The following UBAP2 variants were observed in gnomAD, a reference collection of about 807,000 sequenced individuals.
The protein encoded by UBAP2 is ubiquitin-associated protein 2.
In UBAP2, 75 loss-of-function variants were observed where a neutral mutation model predicts 139.6. The observed-to-expected ratio is 0.54, with a 90% CI of 0.45 to 0.65. UBAP2 has a LOEUF of 0.65. Among genes scored for constraint, UBAP2 ranks in the 30% least tolerant of loss-of-function variants. The pLI is 0.00. For synonymous variants in UBAP2, 526 were observed against 526.2 expected, an observed-to-expected ratio of 1.00 and a Z score of 0.01; for missense variants, 1,368 against 1,369.6, an observed-to-expected ratio of 1.00 and a Z score of 0.02.
At position 33,998,882 on chromosome 9, in the gene UBAP2, T is replaced by C; in HGVS notation, c.100-18A>G. ...GCTGTTGCCTGGAAAGTACATACAATTGTTAAGGATTTGAACACCAAAAGC... is the reference window on the plus strand; with the variant it reads ...GCTGTTGCCTGGAAAGTACATACAACTGTTAAGGATTTGAACACCAAAAGC... On this transcript the variant is annotated intron_variant, in intron 2 of 28. Transcript: ENST00000379238. The C allele has an allele frequency of 1.2e-6, 2 of 1,603,118 alleles. No individual in the cohort carries two copies. The highest frequency in any genetic ancestry group is 2.2e-5 in the East Asian group (1 of 44,826).
At chr9:33,948,190 C>A (rs967945215) in intron 13 of UBAP2, among the ~76,000 whole-genome samples, 184 bp downstream of exon 13, 1 of 152,036 alleles carries the variant, frequency 6.6e-6, no homozygotes, top group African/African-American at 2.4e-5. Context: ...AGAACAACAA[C>A]AAAAACAAAT....
chr9:33,936,900 C>A (rs915296670), intron 16 of UBAP2, among the ~76,000 whole-genome samples: 1 of 134,476 alleles, frequency 7.4e-6, no homozygotes, highest in Admixed American at 9.1e-5. Context: ...CATGACCACC[C>A]TGGGCACTGT....
intron 1 of UBAP2, among the ~76,000 whole-genome samples, chr9:34,039,554 C>T (rs1319370326): frequency 6.6e-6 from 1 of 152,006 alleles, no homozygotes; most frequent in Admixed American, 6.6e-5. Context: ...AACCTTACCC[C>T]CAACCCCGTG....
At chr9:34,019,335 G>A (rs777766656) in intron 1 of UBAP2, among the ~76,000 whole-genome samples, 13 of 152,200 alleles carry the variant, frequency 8.5e-5, no homozygotes, top group Admixed American at 5.2e-4. Context: ...CCCAAGAGGC[G>A]GAGGTTGCAG....
chr9:34,021,376 T>C (rs1192222832), intron 1 of UBAP2, among the ~76,000 whole-genome samples: 2 of 152,226 alleles, frequency 1.3e-5, no homozygotes, highest in Non-Finnish European at 2.9e-5. Flanking sequence ...TTTACTGCAT[T>C]TGAATCTGCC....
intron 10 of UBAP2, 61 bp from the exon 11 acceptor site, chr9:33,956,207 C>A: frequency 1.6e-6 from 2 of 1,243,644 alleles, no homozygotes; most frequent in Non-Finnish European, 2.3e-6. Flanking sequence ...AAAACACTGA[C>A]TTCCTGATCA....
rs146330267 is a variant in UBAP2 at position 34,033,556 on chromosome 9, A to G, written c.-42+15269T>C. Among the ~76,000 whole-genome samples, 40 of 152,082 alleles carry G rather than the reference A, an allele frequency of 2.6e-4. 2 individuals carry two copies. The East Asian group carries it at 7.5e-3, about 29-fold the overall frequency. Reference sequence around the variant, plus strand: ...TATTTGATAGCACAATAGGGTAACTATAGTCAATAACTTAATTGTATACTT... The same window carrying G: ...TATTTGATAGCACAATAGGGTAACTGTAGTCAATAACTTAATTGTATACTT... On this transcript the variant is annotated intron_variant, in intron 1 of 28. Coordinates refer to ENST00000379238, the MANE Select transcript of UBAP2 (RefSeq NM_001370062.2).
At chr9:33,996,370 A>G in intron 3 of UBAP2, 37 bp from the exon 4 acceptor site, 6 of 1,371,352 alleles carry the variant, frequency 4.4e-6, no homozygotes, top group Non-Finnish European at 6.2e-6. Context: ...GAGGCAAACA[A>G]AAAACTGGCA....
chr9:33,936,415 TC>T (rs1244233145), intron 16 of UBAP2, among the ~76,000 whole-genome samples: 3 of 152,022 alleles, frequency 2.0e-5, no homozygotes, highest in Admixed American at 6.6e-5. Context: ...TACCTCAGCC[TC>T]CCAAGTAGCT....
At chr9:33,933,780 G>A (rs980855246) in intron 17 of UBAP2, 152 bp from the exon 18 acceptor site, 24 of 1,020,874 alleles carry the variant, frequency 2.4e-5, no homozygotes, top group Non-Finnish European at 3.1e-5. Context: ...CAAGCATATC[G>A]CCAGATAGCC....
rs552009793 is a variant in UBAP2 at position 33,953,190 on chromosome 9, T to A, written c.1056+95A>T. 100 of 1,221,430 alleles carry A rather than the reference T, an allele frequency of 8.2e-5. No individual in the cohort carries two copies. In the Middle Eastern group the frequency reaches 1.0e-3, roughly 13 times the overall value. The allele number at this position is 1,221,430 out of a possible 1,614,324, so 75.7% of individuals were successfully genotyped here. On this transcript the variant is annotated intron_variant, in intron 12 of 28. Transcript: ENST00000379238. ...GGCCTTACTGTAGATATTTTTATAT[T>A]TAGAAAGTAATTATAAAGCATGTAT...
chr9:33,938,384 A>G (rs1824785756), intron 16 of UBAP2, among the ~76,000 whole-genome samples: 1 of 151,850 alleles, frequency 6.6e-6, no homozygotes, highest in South Asian at 2.1e-4. Context: ...ACCTGCCTCC[A>G]CCTCTCAAAG....
chr9:34,014,259 G>A (rs1329623715), intron 2 of UBAP2, among the ~76,000 whole-genome samples: 3 of 146,162 alleles, frequency 2.1e-5, no homozygotes, highest in Non-Finnish European at 3.0e-5. Flanking sequence ...CCCCAGAGGC[G>A]GAGGTTACAA....
At chr9:34,016,100 G>T (rs182918612) in intron 2 of UBAP2, among the ~76,000 whole-genome samples, 1 of 152,084 alleles carries the variant, frequency 6.6e-6, no homozygotes, top group East Asian at 1.9e-4. Flanking sequence ...AAAAGGGAGA[G>T]GAGATGATGA....
At chr9:33,960,965 G>T in intron 9 of UBAP2, 87 bp from the exon 10 acceptor site, 1 of 1,341,290 alleles carries the variant, frequency 7.5e-7, no homozygotes, top group Non-Finnish European at 1.1e-6. Flanking sequence ...GTACTATGCG[G>T]GGAAAAAAGA....
At chr9:33,943,309 A>G (rs1380688284) in intron 15 of UBAP2, 111 bp downstream of exon 15, 1 of 1,070,988 alleles carries the variant, frequency 9.3e-7, no homozygotes. Flanking sequence ...GAGATGATGG[A>G]AGGTCTGGAT....
In UBAP2 at chr9:33,989,113, G is replaced by A. The variant is rs777319237; in HGVS notation, c.302C>T (p.Thr101Ile). 1 of 1,611,880 alleles carries A rather than the reference G, an allele frequency of 6.2e-7. No homozygotes were observed. The highest frequency in any genetic ancestry group is 1.1e-5 in the South Asian group (1 of 90,764). Reference protein sequence around the residue: ...EGNSDTTSWETVGCKKKNFAK... With the variant: ...EGNSDTTSWEIVGCKKKNFAK... Reference sequence around the variant, plus strand: ...AAAATTCTTTTTCTTACACCCTACAGTCTCCCATGAAGTCTATCAGAGAGA... The same window carrying A: ...AAAATTCTTTTTCTTACACCCTACAATCTCCCATGAAGTCTATCAGAGAGA... The change falls in exon 5 of 29, where the codon ACT becomes ATT. Residue 101 changes from threonine (T) to isoleucine (I), a missense_variant. Transcript: ENST00000379238.
At chr9:34,034,032 G>C (rs72729344) in intron 1 of UBAP2, among the ~76,000 whole-genome samples, 21 of 151,740 alleles carry the variant, frequency 1.4e-4, no homozygotes, top group African/African-American at 4.4e-4. Flanking sequence ...CACCACGCCC[G>C]GCTTCAAATC....
At chr9:34,009,901 G>A (rs1823598360) in intron 2 of UBAP2, among the ~76,000 whole-genome samples, 1 of 148,540 alleles carries the variant, frequency 6.7e-6, no homozygotes. Flanking sequence ...TCCGCCTCCT[G>A]GGTTCAAGAG....
Sources: gnomAD v4.1 joint callset for allele counts (sites outside exome capture counted in the v4.1 genomes callset) on GRCh38, gnomAD v4.1.1 for gene constraint, MANE v1.5 for transcripts, NCBI Gene and HGNC (gene_info 2026-07-23, HGNC 2026-07-21) for gene names.